MALRD1: variants seen among roughly 807,000 people sequenced by gnomAD.
MALRD1 encodes the protein MAM and LDL receptor class A domain containing 1, also known as MAM and LDL-receptor class A domain-containing protein 1.
Under a neutral mutation model 242.1 loss-of-function variants are expected in MALRD1, and 247 were observed. The ratio of observed to expected loss-of-function variants is 1.02; its 90% CI spans 0.92 to 1.13. The LOEUF (loss-of-function observed/expected upper bound fraction) is 1.13. Ranked by LOEUF, MALRD1 falls within the 50% of genes most tolerant of loss-of-function variation. The probability of loss-of-function intolerance (pLI) is 0.00; values close to 1 mark genes in which losing one functional copy is unlikely to be tolerated. For synonymous variants in MALRD1, 995 were observed against 866.6 expected (o/e 1.15, Z -2.60); for missense variants, 2,989 against 2,533.1 (o/e 1.18, Z -3.86).
At chr10:19,630,726 CA>C (rs1839861907) in intron 36 of MALRD1, among the ~76,000 whole-genome samples, 1 of 151,874 alleles carries the variant, frequency 6.6e-6, no homozygotes, top group Admixed American at 6.6e-5. Context: ...AAATTATGTA[CA>C]TAAAAAGAAT....
intron 28 of MALRD1, among the ~76,000 whole-genome samples, chr10:19,420,671 A>G (rs1345849561): frequency 6.6e-6 from 1 of 152,128 alleles, no homozygotes; most frequent in African/African-American, 2.4e-5. Context: ...TCTTTTGTGC[A>G]CATACCCTCT....
At chr10:19,237,626 AATTATAAT>A (rs1183546075) in intron 18 of MALRD1, among the ~76,000 whole-genome samples, 4 of 16,110 alleles carry the variant, frequency 2.5e-4, no homozygotes, top group African/African-American at 1.8e-3. Flanking sequence ...ATAATTATAT[AATTATAAT>A]TATATATAAA....
At chr10:19,449,999 C>A (rs542867061) in intron 28 of MALRD1, among the ~76,000 whole-genome samples, 1 of 152,248 alleles carries the variant, frequency 6.6e-6, no homozygotes, top group East Asian at 1.9e-4. Context: ...CAGTATCTGT[C>A]AGATACAACT....
intron 25 of MALRD1, among the ~76,000 whole-genome samples, chr10:19,351,501 G>A (rs1804134953): frequency 6.6e-6 from 1 of 152,078 alleles, no homozygotes; most frequent in Non-Finnish European, 1.5e-5. Flanking sequence ...TTTAAATGGA[G>A]CCCAGAGAAT....
chr10:19,387,571 C>T lies in MALRD1; in HGVS notation c.4485C>T (p.Cys1495=), dbSNP rs745829054. The change falls in exon 27 of 40, where the codon TGC becomes TGT. Residue 1495 remains cysteine, a synonymous_variant. Transcript: ENST00000454679. ...ATAGGGAATGTCATAATGGAAAATG[C>T]TATAGGCTGGAACAAAGCTGTAACT... ...LGYRECHNGK[C]YRLEQSCNFV... The T allele has an allele frequency of 6.5e-7, 1 of 1,550,358 alleles. No homozygotes were observed. The highest frequency in any genetic ancestry group is 8.7e-7 in the Non-Finnish European group (1 of 1,146,864).
At chr10:19,237,473 C>CT (rs1035464954) in intron 18 of MALRD1, among the ~76,000 whole-genome samples, 1 of 136,688 alleles carries the variant, frequency 7.3e-6, no homozygotes, top group Non-Finnish European at 1.6e-5. Flanking sequence ...GAATTTCATT[C>CT]TTTTTTTATG....
chr10:19,536,191 C>T (rs944496877), intron 32 of MALRD1, among the ~76,000 whole-genome samples: 2 of 152,114 alleles, frequency 1.3e-5, no homozygotes, highest in East Asian at 3.9e-4. Flanking sequence ...CCACAAAAGA[C>T]GTGAGGACAG....
chr10:19,165,090 T>C (rs1488658975), intron 12 of MALRD1, among the ~76,000 whole-genome samples: 2 of 151,450 alleles, frequency 1.3e-5, no homozygotes, highest in African/African-American at 4.9e-5. Flanking sequence ...TTTGTAACGT[T>C]GAGTCTCAAT....
chr10:19,246,841 A>T (rs535601860), intron 18 of MALRD1, among the ~76,000 whole-genome samples: 1 of 152,228 alleles, frequency 6.6e-6, no homozygotes, highest in African/African-American at 2.4e-5. Flanking sequence ...ATGATGCTTG[A>T]TGAGTTTGGG....
intron 26 of MALRD1, among the ~76,000 whole-genome samples, chr10:19,364,516 AATTACAG>A (rs1332291310): frequency 2.0e-5 from 3 of 152,128 alleles, no homozygotes; most frequent in Non-Finnish European, 4.4e-5. Flanking sequence ...GCAAGTTTGA[AATTACAG>A]AATTATTGGC....
chr10:19,333,530 CT>C (rs1389704557), intron 24 of MALRD1, among the ~76,000 whole-genome samples: 1 of 152,096 alleles, frequency 6.6e-6, no homozygotes, highest in Non-Finnish European at 1.5e-5. Context: ...AACAGATTTT[CT>C]TTATTCAATC....
chr10:19,564,508 A>G (rs142862404), intron 32 of MALRD1, among the ~76,000 whole-genome samples: 251 of 152,152 alleles, frequency 1.6e-3, no homozygotes, highest in African/African-American at 5.9e-3. Context: ...TTTTATGACA[A>G]AAGTTATGCT....
intron 7 of MALRD1, among the ~76,000 whole-genome samples, chr10:19,127,231 A>G (rs1837311216): frequency 6.6e-6 from 1 of 152,208 alleles, no homozygotes; most frequent in Admixed American, 6.5e-5. Context: ...AAAGATTAAT[A>G]GACTTTACTT....
chr10:19,719,228 A>ATATATATATATG (rs1409840686), intron 38 of MALRD1, among the ~76,000 whole-genome samples: 2 of 30,236 alleles, frequency 6.6e-5, no homozygotes, highest in Admixed American at 7.1e-4. Context: ...ACATACATAT[A>ATATATATATATG]TATATATATA....
intron 14 of MALRD1, among the ~76,000 whole-genome samples, chr10:19,178,596 G>C (rs1210510592): frequency 6.6e-6 from 1 of 152,204 alleles, no homozygotes; most frequent in Non-Finnish European, 1.5e-5. Context: ...AATCGCAAGT[G>C]CTACTTTGAT....
chr10:19,204,760 C>T, intron 16 of MALRD1, 138 bp from the exon 17 acceptor site: 1 of 930,030 alleles, frequency 1.1e-6, no homozygotes, highest in Non-Finnish European at 1.6e-6. Flanking sequence ...AAATGGACAG[C>T]CACAGTTATT....
At chr10:19,286,339 A>G (rs1255100115) in intron 21 of MALRD1, among the ~76,000 whole-genome samples, 2 of 148,264 alleles carry the variant, frequency 1.3e-5, no homozygotes, top group Non-Finnish European at 3.0e-5. Context: ...GCCAGTTTTC[A>G]AAGGGAATGC....
Position 19,290,197 on chromosome 10 carries a change from G to T in MALRD1, c.3419+7016G>T, listed in dbSNP as rs140664152. 1.0e-3 allele frequency: 159 copies of T among 152,136 alleles called. 1 individual carries two copies. Among genetic ancestry groups the T allele is most frequent in the African/African-American group, 3.7e-3 (155 of 41,494 alleles). 9.4% of individuals were successfully genotyped at this position (152,136 alleles called of 1,614,324 possible). On this transcript the variant is annotated intron_variant, in intron 21 of 39. Transcript: ENST00000454679. ...TCCACAATTTAATGGACTATCCTTGGTACATCAGAAGTGAACTCTGTGATA... is the reference window on the plus strand; with the variant it reads ...TCCACAATTTAATGGACTATCCTTGTTACATCAGAAGTGAACTCTGTGATA...
At position 19,703,401 on chromosome 10, in the gene MALRD1, G is replaced by A. The variant is rs896185868; in HGVS notation, c.6314+10847G>A. ...CAGGGAAATATACCAAGGCACTCTC[G>A]TGGCAGGGATGGGCCAAAAAAGAAG... On this transcript the variant is annotated intron_variant, in intron 38 of 39. Transcript: ENST00000454679. 3.3e-5 allele frequency among the ~76,000 whole-genome samples: 5 copies of A among 152,156 alleles called. No individual in the cohort carries two copies. In the East Asian group the frequency reaches 7.7e-4, roughly 23 times the overall value.
Sources: gnomAD v4.1 joint callset for allele counts (sites outside exome capture counted in the v4.1 genomes callset) on GRCh38, gnomAD v4.1.1 for gene constraint, MANE v1.5 for transcripts, NCBI Gene and HGNC (gene_info 2026-07-23, HGNC 2026-07-21) for gene names.